Variants in TRIM16 observed in about 807,000 individuals in gnomAD.
TRIM16 encodes the protein tripartite motif containing 16.
TRIM16 carries 33 observed loss-of-function variants against 50.4 expected under a neutral mutation model. The observed-to-expected ratio is 0.65, with a 90% CI of 0.50 to 0.88. The LOEUF is 0.88. TRIM16 is among the 40% of genes least tolerant of loss of function. The probability of loss-of-function intolerance (pLI) is 0.00; values close to 1 mark genes in which losing one functional copy is unlikely to be tolerated. For synonymous variants in TRIM16, 229 were observed against 270.7 expected, an observed-to-expected ratio of 0.85 and a Z score of 1.51; for missense variants, 581 against 686.8, an observed-to-expected ratio of 0.85 and a Z score of 1.72.
At chr17:15,676,554 A>G (rs1011493032) in intron 6 of TRIM16, among the ~76,000 whole-genome samples, 2 of 150,660 alleles carry the variant, frequency 1.3e-5, no homozygotes, top group Non-Finnish European at 3.0e-5. Context: ...TCCTGCCTCA[A>G]CCTCCCAAGT....
intron 11 of TRIM16, among the ~76,000 whole-genome samples, chr17:15,630,801 CAG>C (rs1193032095): frequency 6.6e-6 from 1 of 150,502 alleles, no homozygotes; most frequent in Non-Finnish European, 1.5e-5. Flanking sequence ...GTCTGGGCAA[CAG>C]AGACCCTGTC....
In TRIM16 at chr17:15,639,050, T is replaced by C. The variant is rs1337559873; in HGVS notation, c.616-2781A>G. Among the ~76,000 whole-genome samples, 146 of 127,250 alleles carry C rather than the reference T, an allele frequency of 1.1e-3. 4 individuals are homozygous for C. The highest frequency in any genetic ancestry group is 4.5e-3 in the African/African-American group (143 of 31,504). The allele number at this position is 127,250 out of a possible 152,430, so 83.5% of individuals were successfully genotyped here. A position where few individuals can be genotyped will look rare whatever the true frequency, so the allele number is the denominator to read the frequency against. ...TCTCCCTACATTCTCTCTCTCTTTT[T>C]TTTTTTTTTTTTTTTTTTTTTTAGA... On this transcript the variant is annotated intron_variant, in intron 8 of 11. Transcript: ENST00000649191.
At chr17:15,669,956 G>A (rs930195259) in intron 6 of TRIM16, among the ~76,000 whole-genome samples, 1 of 152,172 alleles carries the variant, frequency 6.6e-6, no homozygotes, top group African/African-American at 2.4e-5. Context: ...GTTGTCTCCT[G>A]GAGGGGGAAA....
intron 10 of TRIM16, among the ~76,000 whole-genome samples, chr17:15,632,247 G>C (rs1986464492): frequency 6.6e-6 from 1 of 151,960 alleles, no homozygotes; most frequent in African/African-American, 2.4e-5. Context: ...AAATTAGCCA[G>C]GTGCCTGTAA....
At chr17:15,675,061 T>C (rs1327747105) in intron 6 of TRIM16, among the ~76,000 whole-genome samples, 7 of 151,914 alleles carry the variant, frequency 4.6e-5, no homozygotes, top group Admixed American at 2.0e-4. Flanking sequence ...GGCTTATTCC[T>C]GAGGCCAGGG....
intron 6 of TRIM16, 79 bp from the exon 7 acceptor site, chr17:15,652,025 T>G (rs977532331): frequency 4.8e-6 from 5 of 1,033,212 alleles, no homozygotes; most frequent in Non-Finnish European, 4.7e-6. Context: ...CATTTTTTTT[T>G]GTTTTCATTT....
At chr17:15,633,851 T>C (rs1329241932) in intron 9 of TRIM16, among the ~76,000 whole-genome samples, 3 of 151,152 alleles carry the variant, frequency 2.0e-5, no homozygotes, top group Non-Finnish European at 2.9e-5. Context: ...ATAAATAAGT[T>C]ATCATACACT....
chr17:15,637,115 T>TGGG (rs570385958), intron 8 of TRIM16, among the ~76,000 whole-genome samples: 3 of 67,458 alleles, frequency 4.4e-5, no homozygotes, highest in African/African-American at 1.4e-4. Flanking sequence ...GGGAGGGAGG[T>TGGG]GGGGGGGGGG....
chr17:15,648,225 C>CAAAA (rs542434481), intron 7 of TRIM16, among the ~76,000 whole-genome samples: 3 of 75,520 alleles, frequency 4.0e-5, no homozygotes, highest in Non-Finnish European at 6.0e-5. Flanking sequence ...GACTCCGTCT[C>CAAAA]AAAAAAAAAA....
In TRIM16 at chr17:15,665,306, G is replaced by A. The variant is rs562545672; in HGVS notation, c.-338+11870C>T. ...GGCGGGCAGATCACGAGGTCAGATC[G>A]AGACCATCCTGGCTAACCCAGTGAA... On this transcript the variant is annotated intron_variant, in intron 6 of 11. Transcript: ENST00000649191. Among the ~76,000 whole-genome samples, 97 of 152,134 alleles carry A rather than the reference G, an allele frequency of 6.4e-4. 1 individual carries two copies. The highest frequency in any genetic ancestry group is 2.4e-3 in the Admixed American group (37 of 15,284).
chr17:15,633,540 C>CTTTT (rs555202357), intron 9 of TRIM16, among the ~76,000 whole-genome samples: 1 of 128,696 alleles, frequency 7.8e-6, no homozygotes, highest in Non-Finnish European at 1.7e-5. Flanking sequence ...AAATAAATAT[C>CTTTT]TTTTTTTTTT....
At chr17:15,667,891 T>C (rs1175689553) in intron 6 of TRIM16, among the ~76,000 whole-genome samples, 1 of 152,144 alleles carries the variant, frequency 6.6e-6, no homozygotes, top group African/African-American at 2.4e-5. Context: ...ATTTTCTTTT[T>C]TTTTTTTCTA....
At chr17:15,671,819 A>T (rs1988742388) in intron 6 of TRIM16, among the ~76,000 whole-genome samples, 1 of 152,200 alleles carries the variant, frequency 6.6e-6, no homozygotes, top group Non-Finnish European at 1.5e-5. Context: ...GTAAGTAAGC[A>T]GCACTGGTAT....
chr17:15,634,218 A>G (rs1354954001), intron 9 of TRIM16, among the ~76,000 whole-genome samples: 1 of 148,272 alleles, frequency 6.7e-6, no homozygotes, highest in Non-Finnish European at 1.5e-5. Flanking sequence ...AGTCCCAGCT[A>G]CTTGGAAGGC....
Position 15,628,185 on chromosome 17 carries a change from G to A in TRIM16, c.*430C>T. 1 of 158,372 alleles carries A rather than the reference G, an allele frequency of 6.3e-6. No individual in the cohort carries two copies. Among genetic ancestry groups the A allele is most frequent in the Non-Finnish European group, 1.4e-5 (1 of 72,116 alleles). The allele number at this position is 158,372 out of a possible 1,614,324, so 9.8% of individuals were successfully genotyped here. ...AGCACTTTGGGAGGCCGAGGTGGGT[G>A]CATCACGAGGTCAGGAGTTTGAGAT... On this transcript the variant is annotated 3_prime_UTR_variant, in exon 12 of 12. Coordinates refer to ENST00000649191, the MANE Select transcript of TRIM16 (RefSeq NM_001348119.1).
chr17:15,676,888 A>C (rs1988975030), intron 6 of TRIM16, among the ~76,000 whole-genome samples: 1 of 152,166 alleles, frequency 6.6e-6, no homozygotes, highest in South Asian at 2.1e-4. Context: ...AGAGTAAATG[A>C]AGAAGTGATT....
intron 4 of TRIM16, among the ~76,000 whole-genome samples, chr17:15,679,894 G>GC (rs1989111203): frequency 6.7e-6 from 1 of 148,454 alleles, no homozygotes. Flanking sequence ...CTGAGATCGC[G>GC]CCACTGCACT....
At chr17:15,645,725 C>G (rs1211010347) in intron 7 of TRIM16, among the ~76,000 whole-genome samples, 1 of 152,210 alleles carries the variant, frequency 6.6e-6, no homozygotes, top group African/African-American at 2.4e-5. Context: ...GGGAGGGAAG[C>G]AGCTGCAGGC....
chr17:15,679,869 G>A (rs1177825781), intron 4 of TRIM16, among the ~76,000 whole-genome samples: 3 of 151,734 alleles, frequency 2.0e-5, no homozygotes, highest in Non-Finnish European at 2.9e-5. Flanking sequence ...CCTGGGAGGC[G>A]GAGCTTGCAG....
Sources: allele counts gnomAD v4.1 joint callset (sites outside exome capture counted in the v4.1 genomes callset), GRCh38; gene constraint gnomAD v4.1.1; transcripts MANE v1.5; gene names NCBI Gene and HGNC (gene_info 2026-07-23, HGNC 2026-07-21).